Variants in MAP2 observed in about 807,000 individuals in gnomAD.
The protein encoded by MAP2 is microtubule associated protein 2.
Under a neutral mutation model 137.6 loss-of-function variants are expected in MAP2, and 14 were observed. The observed-to-expected ratio is 0.10, with a 90% CI of 0.07 to 0.16. MAP2 has a LOEUF of 0.16. Among genes scored for constraint, MAP2 ranks in the 10% least tolerant of loss-of-function variants. The probability of loss-of-function intolerance (pLI) is 1.00; values close to 1 mark genes in which losing one functional copy is unlikely to be tolerated. For missense variants in MAP2, 2,088 were observed against 2,191.5 expected (o/e 0.95, Z 0.94); for synonymous variants, 786 against 782.3 (o/e 1.00, Z -0.08).
At chr2:209,608,098 A>G (rs116379818) in intron 3 of MAP2, among the ~76,000 whole-genome samples, 244 of 152,252 alleles carry the variant, frequency 1.6e-3, no homozygotes, top group African/African-American at 5.6e-3. Context: ...TGCCACAGTA[A>G]TGATGCAGTA....
At chr2:209,534,704 T>C (rs1358233389) in intron 2 of MAP2, among the ~76,000 whole-genome samples, 1 of 152,220 alleles carries the variant, frequency 6.6e-6, no homozygotes, top group Non-Finnish European at 1.5e-5. Flanking sequence ...AATTATATAA[T>C]CAGAATATCT....
At chr2:209,505,119 CA>C (rs1045401436) in intron 1 of MAP2, among the ~76,000 whole-genome samples, 1 of 151,832 alleles carries the variant, frequency 6.6e-6, no homozygotes, top group Non-Finnish European at 1.5e-5. Context: ...TGGAGCAAAA[CA>C]AAAAATAAAC....
At chr2:209,479,856 T>C (rs1259544815) in intron 1 of MAP2, among the ~76,000 whole-genome samples, 6 of 152,284 alleles carry the variant, frequency 3.9e-5, no homozygotes, top group South Asian at 2.1e-4. Context: ...TAGCCGAACA[T>C]TTCAACTGTT....
At chr2:209,713,614 G>GTAGC (rs1296846421) in intron 13 of MAP2, among the ~76,000 whole-genome samples, 2 of 152,148 alleles carry the variant, frequency 1.3e-5, no homozygotes, top group African/African-American at 4.8e-5. Context: ...ACTGCTCTAT[G>GTAGC]TAGCTAGCCT....
intron 13 of MAP2, among the ~76,000 whole-genome samples, chr2:209,712,539 C>T (rs2065864721): frequency 6.6e-6 from 1 of 152,072 alleles, no homozygotes; most frequent in Non-Finnish European, 1.5e-5. Context: ...ATTTCCTCAC[C>T]AAGATAAACA....
intron 4 of MAP2, among the ~76,000 whole-genome samples, chr2:209,646,477 C>T (rs10497931): frequency 0.029 from 4,341 of 152,178 alleles, 191 homozygotes; most frequent in South Asian, 0.22. Context: ...TAGAACATTA[C>T]AATCTTAGGC....
At chr2:209,662,652 T>C (rs1349284875) in intron 5 of MAP2, among the ~76,000 whole-genome samples, 1 of 152,120 alleles carries the variant, frequency 6.6e-6, no homozygotes, top group African/African-American at 2.4e-5. Context: ...AAAACCTCCA[T>C]TTAGATAAAA....
intron 11 of MAP2, 26 bp downstream of exon 11, chr2:209,700,364 TC>T: frequency 6.3e-7 from 1 of 1,576,070 alleles, no homozygotes; most frequent in Non-Finnish European, 8.7e-7. Flanking sequence ...TTTTCCTTGT[TC>T]TTCATTTGAA....
intron 1 of MAP2, among the ~76,000 whole-genome samples, chr2:209,468,871 C>G (rs1422783436): frequency 6.6e-6 from 1 of 152,054 alleles, no homozygotes; most frequent in Admixed American, 6.6e-5. Context: ...CACAGGGCAA[C>G]CAAGTAATGT....
At chr2:209,629,953 A>G (rs1471478696) in intron 4 of MAP2, among the ~76,000 whole-genome samples, 1 of 152,210 alleles carries the variant, frequency 6.6e-6, no homozygotes, top group Non-Finnish European at 1.5e-5. Context: ...CACCTGCTTC[A>G]AAAGGCTCTA....
intron 2 of MAP2, among the ~76,000 whole-genome samples, chr2:209,558,434 C>T (rs2071187666): frequency 6.6e-6 from 1 of 152,126 alleles, no homozygotes; most frequent in South Asian, 2.1e-4. Flanking sequence ...GGTGATCTGC[C>T]TGCCTCAGCC....
chr2:209,462,074 C>T (rs924564699), intron 1 of MAP2, among the ~76,000 whole-genome samples: 1 of 152,130 alleles, frequency 6.6e-6, no homozygotes, highest in African/African-American at 2.4e-5. Flanking sequence ...TAATTCCTCT[C>T]CTACCTTGAG....
chr2:209,650,290 C>T (rs1196862022), intron 4 of MAP2, among the ~76,000 whole-genome samples: 1 of 152,120 alleles, frequency 6.6e-6, no homozygotes, highest in Non-Finnish European at 1.5e-5. Context: ...AGTTTTGTGG[C>T]AAATTGGTTT....
rs1303705923 is a variant in MAP2 at position 209,732,926 on chromosome 2, AAG to A, written c.*2535_*2536del. Reference sequence around the variant, plus strand: ...AGGAACTGATCGTTTGTACCAGTAAAAGAGAGAAACACACAGGTTAAATATCT... The same window carrying A: ...AGGAACTGATCGTTTGTACCAGTAAAAGAGAAACACACAGGTTAAATATCT... On this transcript the variant is annotated 3_prime_UTR_variant, in exon 16 of 16. Transcript: ENST00000682079. 6.6e-6 allele frequency: 1 copy of A among 152,632 alleles called. No individual in the cohort carries two copies. Among genetic ancestry groups the A allele is most frequent in the Non-Finnish European group, 1.5e-5 (1 of 68,036 alleles). The allele number at this position is 152,632 out of a possible 1,614,324, so 9.5% of individuals were successfully genotyped here.
chr2:209,689,391 T>C (rs1409686601), intron 7 of MAP2, among the ~76,000 whole-genome samples: 1 of 152,140 alleles, frequency 6.6e-6, no homozygotes, highest in Non-Finnish European at 1.5e-5. Context: ...ATCTGTAGTC[T>C]TTCCCTCAGG....
intron 2 of MAP2, among the ~76,000 whole-genome samples, chr2:209,534,874 T>C (rs2065709471): frequency 6.6e-6 from 1 of 152,180 alleles, no homozygotes; most frequent in African/African-American, 2.4e-5. Flanking sequence ...ATCCCAAAAA[T>C]GGAATACGTG....
At chr2:209,727,137 T>C (rs975819151) in intron 14 of MAP2, among the ~76,000 whole-genome samples, 4 of 152,230 alleles carry the variant, frequency 2.6e-5, no homozygotes, top group African/African-American at 9.6e-5. Flanking sequence ...GTCAAAGAGT[T>C]ACAAACTACA....
At chr2:209,469,468 G>A (rs11680789) in intron 1 of MAP2, among the ~76,000 whole-genome samples, 27,428 of 151,788 alleles carry the variant, frequency 0.18, 3,175 homozygotes, top group Non-Finnish European at 0.26. Context: ...TTTTATTTTG[G>A]GGGGCATACT....
At chr2:209,658,639 T>C (rs1324753172) in intron 5 of MAP2, among the ~76,000 whole-genome samples, 1 of 152,008 alleles carries the variant, frequency 6.6e-6, no homozygotes, top group Non-Finnish European at 1.5e-5. Context: ...CCAGAGTAGC[T>C]GAGATTACAG....
Sources: gnomAD v4.1 joint callset for allele counts (sites outside exome capture counted in the v4.1 genomes callset) on GRCh38, gnomAD v4.1.1 for gene constraint, MANE v1.5 for transcripts, NCBI Gene and HGNC (gene_info 2026-07-23, HGNC 2026-07-21) for gene names.